Variants in LRRC20 observed in about 807,000 individuals in gnomAD.
The protein encoded by LRRC20 is leucine rich repeat containing 20, also known as leucine-rich repeat-containing protein 20.
LRRC20 carries 11 observed loss-of-function variants against 14.4 expected under a neutral mutation model. The observed-to-expected ratio is 0.77, with a 90% CI of 0.48 to 1.27. The LOEUF is 1.27. LRRC20 is among the 50% of genes most tolerant of loss of function. LRRC20 has a pLI of 0.00. For missense variants in LRRC20, 219 were observed against 251.2 expected, an observed-to-expected ratio of 0.87 and a Z score of 0.87; for synonymous variants, 121 against 107.3, an observed-to-expected ratio of 1.13 and a Z score of -0.79.
At chr10:70,360,269 C>T (rs1462065059) in intron 2 of LRRC20, among the ~76,000 whole-genome samples, 1 of 152,154 alleles carries the variant, frequency 6.6e-6, no homozygotes, top group African/African-American at 2.4e-5. Flanking sequence ...CTTGCCCATG[C>T]TGGTCTCAAA....
rs562008224 is a variant in LRRC20 at position 70,347,100 on chromosome 10, GGTCTTGAACTCCT to G, written c.83-6411_83-6399del. Among the ~76,000 whole-genome samples, 15 of 152,222 alleles carry G rather than the reference GGTCTTGAACTCCT, an allele frequency of 9.9e-5. No individual in the cohort carries two copies. The East Asian group carries it at 2.7e-3, about 27-fold the overall frequency. On this transcript the variant is annotated intron_variant, in intron 2 of 4. Transcript: ENST00000446961. ...AGTGTTTCACCATGCTGCCCAGGCT[GGTCTTGAACTCCT>G]GGCCTCAAGTGATCCACCTGCCTCA... is the stretch of plus-strand genomic sequence containing the variant.
chr10:70,354,437 C>T (rs1843447994), intron 2 of LRRC20, among the ~76,000 whole-genome samples: 1 of 152,172 alleles, frequency 6.6e-6, no homozygotes, highest in African/African-American at 2.4e-5. Context: ...CAGTGGTTCT[C>T]CAAGGGCATC....
intron 2 of LRRC20, among the ~76,000 whole-genome samples, chr10:70,369,465 G>A (rs1405454029): frequency 1.3e-5 from 2 of 152,136 alleles, no homozygotes; most frequent in Non-Finnish European, 2.9e-5. Flanking sequence ...AGCAGGAGAG[G>A]AGGGAAGTTG....
At chr10:70,343,419 AGCCT>A (rs1842981258) in intron 2 of LRRC20, among the ~76,000 whole-genome samples, 2 of 152,222 alleles carry the variant, frequency 1.3e-5, no homozygotes, top group African/African-American at 4.8e-5. Context: ...TCTGCCAGGC[AGCCT>A]ATAAGGGGTG....
At chr10:70,312,841 G>A (rs2136903152) in intron 4 of LRRC20, among the ~76,000 whole-genome samples, 1 of 152,328 alleles carries the variant, frequency 6.6e-6, no homozygotes, top group Non-Finnish European at 1.5e-5. Context: ...AGGAAGTATG[G>A]CGGGCACCCC....
chr10:70,353,290 C>T (rs944174600), intron 2 of LRRC20, among the ~76,000 whole-genome samples: 17 of 152,190 alleles, frequency 1.1e-4, no homozygotes, highest in African/African-American at 4.1e-4. Context: ...CAAGGTCAAC[C>T]AGTTAATGAA....
At chr10:70,340,019 G>A (rs1842856447) in intron 3 of LRRC20, among the ~76,000 whole-genome samples, 1 of 151,936 alleles carries the variant, frequency 6.6e-6, no homozygotes, top group Non-Finnish European at 1.5e-5. Context: ...TACTTGGGAG[G>A]CTGAGGCAGG....
chr10:70,369,191 G>A (rs1844158629), intron 2 of LRRC20, among the ~76,000 whole-genome samples: 1 of 152,206 alleles, frequency 6.6e-6, no homozygotes, highest in African/African-American at 2.4e-5. Context: ...GAAGACCTGG[G>A]AGGAGAGGCA....
At chr10:70,338,798 T>C (rs1842804861) in intron 3 of LRRC20, among the ~76,000 whole-genome samples, 1 of 152,154 alleles carries the variant, frequency 6.6e-6, no homozygotes, top group African/African-American at 2.4e-5. Flanking sequence ...GTAGTTGGGA[T>C]TACAGGTGTG....
At position 70,300,239 on chromosome 10, in the gene LRRC20, C is replaced by G. The variant is rs1841120181; in HGVS notation, c.*1115G>C. 1 of 508,932 alleles carries G rather than the reference C, an allele frequency of 2.0e-6. No homozygotes were observed. Among genetic ancestry groups the G allele is most frequent in the African/African-American group, 2.1e-5 (1 of 47,928 alleles). The allele number at this position is 508,932 out of a possible 1,614,324, so 31.5% of individuals were successfully genotyped here. ...TCTCGGGAAGCAAGAGCCCCAGGCC[C>G]TCTCCTGGTAGGGGACCAACCATCC... On this transcript the variant is annotated 3_prime_UTR_variant, in exon 5 of 5. Coordinates refer to ENST00000446961, the MANE Select transcript of LRRC20 (RefSeq NM_001278212.2).
intron 3 of LRRC20, among the ~76,000 whole-genome samples, chr10:70,324,314 C>T (rs561364629): frequency 2.6e-5 from 4 of 152,190 alleles, no homozygotes; most frequent in Non-Finnish European, 5.9e-5. Context: ...TGGGCCTCAG[C>T]GAGGGGTCAG....
intron 2 of LRRC20, among the ~76,000 whole-genome samples, chr10:70,351,947 G>T (rs993734024): frequency 1.3e-5 from 2 of 152,268 alleles, no homozygotes; most frequent in African/African-American, 4.8e-5. Flanking sequence ...ACTCATCTAG[G>T]ATGTAACAGT....
intron 2 of LRRC20, among the ~76,000 whole-genome samples, chr10:70,361,291 A>G (rs892267631): frequency 2.6e-5 from 4 of 152,242 alleles, no homozygotes; most frequent in Non-Finnish European, 5.9e-5. Context: ...AGTATCCACT[A>G]TATGCCAGCA....
chr10:70,371,248 C>T (rs1356638742), intron 2 of LRRC20, among the ~76,000 whole-genome samples: 10 of 151,846 alleles, frequency 6.6e-5, no homozygotes, highest in South Asian at 2.1e-4. Flanking sequence ...GCAATCCTCT[C>T]GCCTCAACCT....
intron 2 of LRRC20, among the ~76,000 whole-genome samples, chr10:70,343,104 CA>C: frequency 6.6e-6 from 1 of 152,204 alleles, no homozygotes; most frequent in East Asian, 1.9e-4. Context: ...ACAGAATTTC[CA>C]AGACCCAGCT....
At chr10:70,358,554 C>G (rs941812779) in intron 2 of LRRC20, among the ~76,000 whole-genome samples, 7 of 152,238 alleles carry the variant, frequency 4.6e-5, no homozygotes, top group African/African-American at 1.7e-4. Flanking sequence ...GAAGCAGCAA[C>G]AAATGTCGCC....
Position 70,301,265 on chromosome 10 carries a change from CAGGCTTGG to C in LRRC20, c.*81_*88del. 6.7e-6 allele frequency: 10 copies of C among 1,502,056 alleles called. No homozygotes were observed. The African/African-American group carries it at 9.8e-5, about 15-fold the overall frequency. 93.0% of individuals were successfully genotyped at this position (1,502,056 alleles called of 1,614,324 possible). On this transcript the variant is annotated 3_prime_UTR_variant, in exon 5 of 5. Coordinates refer to ENST00000446961, the MANE Select transcript of LRRC20 (RefSeq NM_001278212.2). ...GCTCGGCCCACCCGCCCCCAGCCCCCAGGCTTGGCCTCCCATGGGCCTCCCTCCCTTCC... is the reference window on the plus strand; with the variant it reads ...GCTCGGCCCACCCGCCCCCAGCCCCCCCTCCCATGGGCCTCCCTCCCTTCC...
At chr10:70,301,677 G>GCC (rs1841191569) in intron 4 of LRRC20, among the ~76,000 whole-genome samples, 169 bp from the exon 5 acceptor site, 2 of 152,252 alleles carry the variant, frequency 1.3e-5, no homozygotes, top group South Asian at 4.1e-4. Context: ...GGGCCATCGG[G>GCC]CCCACCAGGA....
rs373409174 is a variant in LRRC20, at chr10:70,376,456, A to T, written c.78T>A (p.Thr26=). The T allele has an allele frequency of 5.0e-6, 8 of 1,614,012 alleles. No individual in the cohort carries two copies. The highest frequency in any genetic ancestry group is 1.1e-5 in the South Asian group (1 of 91,078). The change falls in exon 2 of 5, where the codon ACT becomes ACA. Residue 26 remains threonine, a synonymous_variant. Coordinates refer to ENST00000446961, the MANE Select transcript of LRRC20 (RefSeq NM_001278212.2). ...VNETVESGSD[T]LDLAECKLVS... ...AAAAGCCCTGCCCTCACTCACCCAG[A>T]GTGTCAGAGCCGCTCTCCACCGTCT...
Sources: gnomAD v4.1 joint callset for allele counts (sites outside exome capture counted in the v4.1 genomes callset) on GRCh38, gnomAD v4.1.1 for gene constraint, MANE v1.5 for transcripts, NCBI Gene and HGNC (gene_info 2026-07-23, HGNC 2026-07-21) for gene names.